DNM1: variants seen among roughly 807,000 people sequenced by gnomAD.
DNM1 encodes dynamin 1.
A neutral mutation model predicts 104.6 loss-of-function variants in DNM1; 29 were observed. That is an observed-to-expected ratio of 0.28 (90% confidence interval 0.21 to 0.38). The LOEUF is 0.38. DNM1 is among the 10% of genes least tolerant of loss of function. DNM1 has a pLI of 1.00. For synonymous variants in DNM1, 445 were observed against 475.8 expected (o/e 0.94, Z 0.84); for missense variants, 640 against 1,189.4 (o/e 0.54, Z 6.79).
In DNM1 at chr9:128,248,691, A is replaced by G. The variant is rs537645747; in HGVS notation, c.2014A>G (p.Ile672Val). The G allele has an allele frequency of 6.2e-7, 1 of 1,613,998 alleles. No homozygotes were observed. Among genetic ancestry groups the G allele is most frequent in the East Asian group, 2.2e-5 (1 of 44,890 alleles). ...IRNLVDSYMA[I>V]VNKTVRDLMP... ...GAATCTTGTGGACTCATACATGGCCATTGTCAACAAGACCGTGAGGGACCT... is the reference window on the plus strand; with the variant it reads ...GAATCTTGTGGACTCATACATGGCCGTTGTCAACAAGACCGTGAGGGACCT... Residue 672 changes from isoleucine (I) to valine (V), a missense_variant, in exon 19 of 22, where the codon ATT (isoleucine) becomes GTT (valine). Coordinates refer to ENST00000372923, the MANE Select transcript of DNM1 (RefSeq NM_004408.4). The surrounding 1 kb of genome is among the most constrained non-coding windows in gnomAD (Gnocchi z 5.6).
intron 10 of DNM1, chr9:128,225,961 C>T: frequency 6.9e-7 from 1 of 1,447,014 alleles, no homozygotes; most frequent in Non-Finnish European, 9.6e-7. Flanking sequence ...CCTGTCTCTG[C>T]TTGGCTTTCA....
chr9:128,244,470 G>A (rs1200269364), intron 15 of DNM1, among the ~76,000 whole-genome samples: 1 of 152,036 alleles, frequency 6.6e-6, no homozygotes, highest in African/African-American at 2.4e-5. Flanking sequence ...CTCAGGTTTT[G>A]GGGTGAGGGA....
In DNM1 at chr9:128,218,434, C is replaced by G; in HGVS notation, c.235+130C>G. The G allele has an allele frequency of 7.1e-7, 1 of 1,406,322 alleles. No individual in the cohort carries two copies. Among genetic ancestry groups the G allele is most frequent in the African/African-American group, 1.4e-5 (1 of 70,872 alleles). The allele number at this position is 1,406,322 out of a possible 1,614,324, so 87.1% of individuals were successfully genotyped here. ...TGGGCCTCGTTCCCCTTAGGGATAG[C>G]GGGGATCAAAATACATAATGGAGAC... On this transcript the variant is annotated intron_variant, in intron 2 of 21. Transcript: ENST00000372923. The surrounding 1 kb of genome is among the most constrained non-coding windows in gnomAD (Gnocchi z 4.8).
At position 128,222,550 on chromosome 9, in the gene DNM1, G is replaced by T; in HGVS notation, c.1082G>T (p.Arg361Leu). ...IDTYELSGGA[R>L]INRIFHERFP... The stretch of plus-strand genomic sequence containing the variant: ...ACCTACGAACTGTCAGGGGGAGCCC[G>T]CATTAACCGAATCTTCCACGAGCGC... Residue 361 changes from arginine to leucine, a missense_variant, in exon 8 of 22, where the codon CGC becomes CTC. Transcript: ENST00000372923. This position sits in a 1 kb window ranked among gnomAD's most constrained non-coding sequence, Gnocchi z 7.8. The T allele has an allele frequency of 6.2e-7, 1 of 1,614,154 alleles. No homozygotes were observed. Among genetic ancestry groups the T allele is most frequent in the Non-Finnish European group, 8.5e-7 (1 of 1,180,028 alleles).
At position 128,219,271 on chromosome 9, in the gene DNM1, G is replaced by A. The variant is rs780612381; in HGVS notation, c.589+19G>A. ...CCCCAGGGTAGGTTCCCACCCGGTG[G>A]CCAATGCACAAAACCCCAGGCTTGC... On this transcript the variant is annotated intron_variant, in intron 4 of 21. Transcript: ENST00000372923. 6.2e-7 allele frequency: 1 copy of A among 1,609,476 alleles called. No individual in the cohort carries two copies. The highest frequency in any genetic ancestry group is 8.5e-7 in the Non-Finnish European group (1 of 1,176,114).
intron 21 of DNM1, chr9:128,252,321 C>T (rs1322725549): frequency 8.4e-6 from 3 of 356,248 alleles, no homozygotes; most frequent in African/African-American, 6.4e-5. Flanking sequence ...CCTGCCCCAA[C>T]TCCAGTCTTG....
chr9:128,219,894 G>A (rs1340755317), intron 4 of DNM1, 94 bp from the exon 5 acceptor site: 2 of 962,652 alleles, frequency 2.1e-6, no homozygotes, highest in Non-Finnish European at 3.1e-6. Flanking sequence ...GCAGGCAGGG[G>A]GCCGAGGAGA....
chr9:128,226,086 G>A (rs1162251758), intron 10 of DNM1: 2 of 1,612,824 alleles, frequency 1.2e-6, no homozygotes, highest in South Asian at 1.1e-5. Context: ...TGAAAAAGCA[G>A]GTGCAGAAGC....
rs754501788 is a variant in DNM1 at position 128,248,610 on chromosome 9, G to A, written c.1933G>A (p.Asp645Asn). ...KASETEENGS[D>N]SFMHSMDPQL... ...CAGCGAGACCGAGGAGAATGGCTCC[G>A]ACAGCTTCATGCATTCCATGGACCC... Residue 645 changes from aspartate to asparagine, a missense_variant, in exon 19 of 22, where the codon GAC becomes AAC. Asp to Asn is a conservative substitution (Grantham distance 23, BLOSUM62 1). Transcript: ENST00000372923. The surrounding 1 kb of genome is among the most constrained non-coding windows in gnomAD (Gnocchi z 5.6). 54 of 1,613,794 alleles carry A rather than the reference G, an allele frequency of 3.3e-5. No homozygotes were observed. Among genetic ancestry groups the A allele is most frequent in the Non-Finnish European group, 4.2e-5 (49 of 1,179,868 alleles).
At chr9:128,251,546 A>C (rs1829518513) in intron 21 of DNM1, 1 of 161,672 alleles carries the variant, frequency 6.2e-6, no homozygotes. Flanking sequence ...GAGTGTAAGC[A>C]TGGCACCCAG....
intron 15 of DNM1, 139 bp from the exon 16 acceptor site, chr9:128,246,255 G>T (rs1836810649): frequency 3.0e-6 from 2 of 666,138 alleles, no homozygotes; most frequent in Non-Finnish European, 5.4e-6. Flanking sequence ...CCGTGGCCAG[G>T]CTTTTATCTA....
At chr9:128,239,293 C>T in intron 11 of DNM1, 152 bp from the exon 12 acceptor site, 1 of 664,606 alleles carries the variant, frequency 1.5e-6, no homozygotes, top group Non-Finnish European at 2.7e-6. Flanking sequence ...CCACCACGCT[C>T]AGCTTTTGTC....
chr9:128,254,377 G>A lies in DNM1; in HGVS notation c.2535-277G>A. On this transcript the variant is annotated intron_variant, in intron 21 of 21. Coordinates refer to ENST00000372923, the MANE Select transcript of DNM1 (RefSeq NM_004408.4). The surrounding 1 kb of genome is among the most constrained non-coding windows in gnomAD (Gnocchi z 6.1). ...CCTGAATTGCGGGTGCCCTGCCTGG[G>A]TGCCGTGTGAGAGGCCAGCGTGTGT... The A allele has an allele frequency of 1.4e-6, 2 of 1,408,086 alleles. No homozygotes were observed. Among genetic ancestry groups the A allele is most frequent in the Non-Finnish European group, 1.8e-6 (2 of 1,089,558 alleles). The allele number at this position is 1,408,086 out of a possible 1,614,324, so 87.2% of individuals were successfully genotyped here. A position where few individuals can be genotyped will look rare whatever the true frequency, so the allele number is the denominator to read the frequency against.
chr9:128,227,833 T>C (rs1311020207), intron 10 of DNM1, among the ~76,000 whole-genome samples: 1 of 152,116 alleles, frequency 6.6e-6, no homozygotes, highest in African/African-American at 2.4e-5. Flanking sequence ...TAGATGTATT[T>C]GTAGTATTTA....
chr9:128,229,367 G>T (rs1022871378), intron 10 of DNM1, among the ~76,000 whole-genome samples: 1 of 150,790 alleles, frequency 6.6e-6, no homozygotes, highest in South Asian at 2.1e-4. Context: ...TAGAGACCCT[G>T]TCTCTAAAAT....
At chr9:128,249,983 TTCCAGTC>T (rs1829413285) in intron 19 of DNM1, 125 bp from the exon 20 acceptor site, 2 of 1,349,466 alleles carry the variant, frequency 1.5e-6, no homozygotes, top group Non-Finnish European at 2.1e-6. Flanking sequence ...GAGGTGAATC[TTCCAGTC>T]TACGCAGTGT....
In DNM1 at chr9:128,253,090, C is replaced by A; in HGVS notation, c.2535-1564C>A. The stretch of plus-strand genomic sequence containing the variant: ...TGTGAACTGCCATGTTGATTTCGTG[C>A]TGTCTTTCAGAATCACTATCAGTGA... On this transcript the variant is annotated intron_variant, in intron 21 of 21. Coordinates refer to ENST00000372923, the MANE Select transcript of DNM1 (RefSeq NM_004408.4). This position sits in a 1 kb window ranked among gnomAD's most constrained non-coding sequence, Gnocchi z 5.9. The A allele has an allele frequency of 6.2e-7, 1 of 1,611,142 alleles. No individual in the cohort carries two copies.
rs544759342 is a variant in DNM1, at chr9:128,219,338, C to A, written c.589+86C>A. The A allele has an allele frequency of 4.2e-6, 5 of 1,203,128 alleles. No individual in the cohort carries two copies. In the South Asian group the frequency reaches 5.0e-5, roughly 12 times the overall value. The allele number at this position is 1,203,128 out of a possible 1,614,324, so 74.5% of individuals were successfully genotyped here. A position where few individuals can be genotyped will look rare whatever the true frequency, so the allele number is the denominator to read the frequency against. ...GTGTAAAGGGGAGCCTCTGAACGGT[C>A]TAAGAATAGCGGTGGGATCAGATTT... On this transcript the variant is annotated intron_variant, in intron 4 of 21. Transcript: ENST00000372923.
rs45463101 is a variant in DNM1, at chr9:128,205,735, A to G, written c.161+2104A>G. The stretch of plus-strand genomic sequence containing the variant: ...TGTAAACATGCGGGAGGGGGCGCTG[A>G]TAGCCAATTAGGCTTGGGGACCTGC... On this transcript the variant is annotated intron_variant, in intron 1 of 21. Coordinates refer to ENST00000372923, the MANE Select transcript of DNM1 (RefSeq NM_004408.4). Among the ~76,000 whole-genome samples, 65 of 152,130 alleles carry G rather than the reference A, an allele frequency of 4.3e-4. 1 individual carries two copies. The East Asian group carries it at 0.011, about 27-fold the overall frequency.
Sources: allele counts gnomAD v4.1 joint callset (sites outside exome capture counted in the v4.1 genomes callset), GRCh38; gene constraint gnomAD v4.1.1; non-coding constraint Gnocchi (gnomAD v3.1); transcripts MANE v1.5; gene names NCBI Gene and HGNC (gene_info 2026-07-23, HGNC 2026-07-21).